Variants in NRBP2 observed in about 807,000 individuals in gnomAD.
NRBP2 encodes the protein nuclear receptor binding protein 2.
NRBP2 carries 47 observed loss-of-function variants against 74.4 expected under a neutral mutation model. The ratio of observed to expected loss-of-function variants is 0.63; its 90% CI spans 0.50 to 0.81. The LOEUF is 0.81. Ranked by LOEUF, NRBP2 falls within the 30% of genes least tolerant of loss-of-function variation. The probability of loss-of-function intolerance (pLI) is 0.00; values close to 1 mark genes in which losing one functional copy is unlikely to be tolerated. For missense variants in NRBP2, 613 were observed against 690.1 expected, an observed-to-expected ratio of 0.89 and a Z score of 1.25; for synonymous variants, 312 against 273.8, an observed-to-expected ratio of 1.14 and a Z score of -1.38.
downstream of NRBP2, among the ~76,000 whole-genome samples, chr8:143,830,273 G>C (rs1818096939): frequency 6.6e-6 from 1 of 152,292 alleles, no homozygotes; most frequent in African/African-American, 2.4e-5. Flanking sequence ...GACAGCGAGA[G>C]CTACTCCAGC....
chr8:143,837,214 A>G lies in NRBP2; in HGVS notation c.1127+35T>C. On this transcript the variant is annotated intron_variant, in intron 13 of 17. Coordinates refer to ENST00000442628, the MANE Select transcript of NRBP2 (RefSeq NM_178564.4). This position sits in a 1 kb window ranked among gnomAD's most constrained non-coding sequence, Gnocchi z 4.3. ...GGGTGGCTGGGGGTTCAGGCCTGAC[A>G]GCTGCCTGGCCCCCAACCTTACATC... 6.2e-7 allele frequency: 1 copy of G among 1,613,928 alleles called. No individual in the cohort carries two copies. The highest frequency in any genetic ancestry group is 8.5e-7 in the Non-Finnish European group (1 of 1,179,980).
Position 143,837,244 on chromosome 8 carries a change from C to T in NRBP2, c.1127+5G>A. 1.2e-6 allele frequency: 2 copies of T among 1,613,860 alleles called. No homozygotes were observed. Among genetic ancestry groups the T allele is most frequent in the Non-Finnish European group, 1.7e-6 (2 of 1,179,976 alleles). ...CCTGGCCCCCAACCTTACATCAGTT[C>T]TCACCTGACATCCTCCAGGAATTTG... On this transcript the variant is annotated splice_donor_5th_base_variant and intron_variant, in intron 13 of 17. Transcript: ENST00000442628. The surrounding 1 kb of genome is among the most constrained non-coding windows in gnomAD (Gnocchi z 4.3).
At chr8:143,830,810 C>T (rs889916972), downstream of NRBP2, among the ~76,000 whole-genome samples, 2 of 152,222 alleles carry the variant, frequency 1.3e-5, no homozygotes, top group Non-Finnish European at 2.9e-5. Flanking sequence ...ACTAAAATGC[C>T]ATTCTCAGTC....
chr8:143,836,486 G>A (rs1818395930), intron 14 of NRBP2, among the ~76,000 whole-genome samples: 1 of 151,944 alleles, frequency 6.6e-6, no homozygotes, highest in Non-Finnish European at 1.5e-5. Context: ...GGTGCCTGCG[G>A]GATCAGGCCT....
Position 143,839,877 on chromosome 8 carries a change from C to T in NRBP2, c.354+52G>A, listed in dbSNP as rs529336017. The T allele has an allele frequency of 6.5e-7, 1 of 1,534,990 alleles. No homozygotes were observed. Among genetic ancestry groups the T allele is most frequent in the South Asian group, 1.2e-5 (1 of 84,024 alleles). On this transcript the variant is annotated intron_variant, in intron 3 of 17. Coordinates refer to ENST00000442628, the MANE Select transcript of NRBP2 (RefSeq NM_178564.4). The surrounding 1 kb of genome is among the most constrained non-coding windows in gnomAD (Gnocchi z 5.1). ...ACCAGCTGCGGGTTCGTCCCCATGC[C>T]CGCCCCACCTAGCTGTGGTCTCTGC...
At position 143,837,311 on chromosome 8, in the gene NRBP2, G is replaced by T. The variant is rs782725416; in HGVS notation, c.1077-12C>A. 274 of 1,612,268 alleles carry T rather than the reference G, an allele frequency of 1.7e-4. No individual in the cohort carries two copies. Among genetic ancestry groups the T allele is most frequent in the Non-Finnish European group, 2.3e-4 (267 of 1,179,622 alleles). Reference sequence around the variant, plus strand: ...AGACTTCCGAGTACCTGGCATGGAAGTGGGAGGCACATGAGGGGCTGGCCG... The same window carrying T: ...AGACTTCCGAGTACCTGGCATGGAATTGGGAGGCACATGAGGGGCTGGCCG... On this transcript the variant is annotated splice_polypyrimidine_tract_variant and intron_variant, in intron 12 of 17. Coordinates refer to ENST00000442628, the MANE Select transcript of NRBP2 (RefSeq NM_178564.4). This position sits in a 1 kb window ranked among gnomAD's most constrained non-coding sequence, Gnocchi z 4.3.
Position 143,837,508 on chromosome 8 carries a change from G to A in NRBP2, c.975C>T (p.Tyr325=), listed in dbSNP as rs1554652229. 1.9e-6 allele frequency: 3 copies of A among 1,608,828 alleles called. No individual in the cohort carries two copies. The highest frequency in any genetic ancestry group is 1.7e-6 in the Non-Finnish European group (2 of 1,178,128). ...CCTCCACCACATTCTCAGGCATGAG[G>A]TCTGCGGCCACAAGAGCATCAAGGC... ...LAAHCFIQHQ[Y]LMPENVVEEK... Residue 325 remains tyrosine (Y), a splice_region_variant and synonymous_variant, in exon 12 of 18, where the codon TAC becomes TAT. Transcript: ENST00000442628. This position sits in a 1 kb window ranked among gnomAD's most constrained non-coding sequence, Gnocchi z 4.3.
chr8:143,837,861 C>T lies in NRBP2; in HGVS notation c.841-106G>A. ...AGTTCCCCATGTCCCTCCTCAGGGA[C>T]ACACAGGACATGCAGGGATGCCCAT... On this transcript the variant is annotated intron_variant, in intron 10 of 17. Coordinates refer to ENST00000442628, the MANE Select transcript of NRBP2 (RefSeq NM_178564.4). The surrounding 1 kb of genome is among the most constrained non-coding windows in gnomAD (Gnocchi z 4.3). 7.2e-7 allele frequency: 1 copy of T among 1,385,440 alleles called. No homozygotes were observed. The highest frequency in any genetic ancestry group is 9.9e-7 in the Non-Finnish European group (1 of 1,005,168). 85.8% of individuals were successfully genotyped at this position (1,385,440 alleles called of 1,614,324 possible).
chr8:143,840,902 C>A lies in NRBP2; in HGVS notation c.-68G>T. On this transcript the variant is annotated 5_prime_UTR_variant, in exon 1 of 18. The change creates a new upstream start codon in the 5' untranslated region. Coordinates refer to ENST00000442628, the MANE Select transcript of NRBP2 (RefSeq NM_178564.4). The surrounding 1 kb of genome is among the most constrained non-coding windows in gnomAD (Gnocchi z 5.7). ...CCGGCGCAGCCTCTCCCGGCCCGCC[C>A]TGGCCTCGCGCCCAGCAGCCCAGCC... 8.1e-7 allele frequency: 1 copy of A among 1,230,590 alleles called. No individual in the cohort carries two copies. Among genetic ancestry groups the A allele is most frequent in the South Asian group, 3.4e-5 (1 of 29,528 alleles). The allele number at this position is 1,230,590 out of a possible 1,614,324, so 76.2% of individuals were successfully genotyped here. A position where few individuals can be genotyped will look rare whatever the true frequency, so the allele number is the denominator to read the frequency against.
chr8:143,840,110 G>T lies in NRBP2; in HGVS notation c.249C>A (p.His83Gln). ...GAGGAGGGGGCAGCGGTCTCACCTC[G>T]TGCGCCGCGAAGGCCTTCCTGTCTC... ...HFGDRKAFAAHEEKIQTVFEQ... is the reference protein window; with the variant it reads ...HFGDRKAFAAQEEKIQTVFEQ... Residue 83 changes from histidine to glutamine, a missense_variant, in exon 2 of 18, where the codon CAC becomes CAA. By Grantham distance (24) the His-to-Gln change is conservative. Transcript: ENST00000442628. This position sits in a 1 kb window ranked among gnomAD's most constrained non-coding sequence, Gnocchi z 5.7. 6.5e-7 allele frequency: 1 copy of T among 1,536,116 alleles called. No homozygotes were observed. Among genetic ancestry groups the T allele is most frequent in the Non-Finnish European group, 8.7e-7 (1 of 1,146,884 alleles).
Position 143,837,187 on chromosome 8 carries a change from C to T in NRBP2, c.1128-13G>A. The T allele has an allele frequency of 1.2e-6, 2 of 1,613,820 alleles. No individual in the cohort carries two copies. On this transcript the variant is annotated splice_polypyrimidine_tract_variant and intron_variant, in intron 13 of 17. Coordinates refer to ENST00000442628, the MANE Select transcript of NRBP2 (RefSeq NM_178564.4). This position sits in a 1 kb window ranked among gnomAD's most constrained non-coding sequence, Gnocchi z 4.3. ...GTAGATTCCATTCCTGGGGACACAA[C>T]AGGGTGGCTGGGGGTTCAGGCCTGA...
Position 143,837,928 on chromosome 8 carries a change from C to T in NRBP2, c.841-173G>A. The T allele has an allele frequency of 1.3e-6, 1 of 793,504 alleles. No homozygotes were observed. Among genetic ancestry groups the T allele is most frequent in the South Asian group, 1.5e-5 (1 of 68,622 alleles). The allele number at this position is 793,504 out of a possible 1,614,324, so 49.2% of individuals were successfully genotyped here. ...AGCAGCAGCCAGGCCAGGACCTGGT[C>T]CTCTGAGCTTGAGGACAGCTGGGTT... On this transcript the variant is annotated intron_variant, in intron 10 of 17. Transcript: ENST00000442628. This position sits in a 1 kb window ranked among gnomAD's most constrained non-coding sequence, Gnocchi z 4.3.
chr8:143,840,890 T>C lies in NRBP2; in HGVS notation c.-56A>G. On this transcript the variant is annotated 5_prime_UTR_variant, in exon 1 of 18. Transcript: ENST00000442628. The surrounding 1 kb of genome is among the most constrained non-coding windows in gnomAD (Gnocchi z 5.7). ...CGCGATCCGCCGCCGGCGCAGCCTC[T>C]CCCGGCCCGCCCTGGCCTCGCGCCC... The C allele has an allele frequency of 8.0e-7, 1 of 1,256,904 alleles. No homozygotes were observed. The highest frequency in any genetic ancestry group is 9.9e-7 in the Non-Finnish European group (1 of 1,007,210). The allele number at this position is 1,256,904 out of a possible 1,614,324, so 77.9% of individuals were successfully genotyped here.
rs375214093 is a variant in NRBP2 at position 143,838,741 on chromosome 8, G to C, written c.779C>G (p.Thr260Ser). The change falls in exon 10 of 18, where the codon ACC becomes AGC. Residue 260 changes from threonine (T) to serine (S), a missense_variant. Physicochemically the swap from Thr to Ser is moderately conservative, Grantham distance 58. Transcript: ENST00000442628. Reference protein sequence around the residue: ...AVLEIQTNGDTRVTEEAIARA... With the variant: ...AVLEIQTNGDSRVTEEAIARA... ...AGCAATGGCCTCCTCTGTGACCCGGGTGTCCCCATTGGTCTGGATTTCCAG... is the reference window on the plus strand; with the variant it reads ...AGCAATGGCCTCCTCTGTGACCCGGCTGTCCCCATTGGTCTGGATTTCCAG... 6.2e-7 allele frequency: 1 copy of C among 1,613,440 alleles called. No individual in the cohort carries two copies. Among genetic ancestry groups the C allele is most frequent in the South Asian group, 1.1e-5 (1 of 90,810 alleles).
At position 143,837,886 on chromosome 8, in the gene NRBP2, T is replaced by C. The variant is rs1262407354; in HGVS notation, c.841-131A>G. ...CACACAGGACATGCAGGGATGCCCA[T>C]AGGGAGGAGTCCCAGCAGCAGCAGC... On this transcript the variant is annotated intron_variant, in intron 10 of 17. Transcript: ENST00000442628. The surrounding 1 kb of genome is among the most constrained non-coding windows in gnomAD (Gnocchi z 4.3). 9.6e-6 allele frequency: 11 copies of C among 1,140,510 alleles called. No individual in the cohort carries two copies. The highest frequency in any genetic ancestry group is 7.9e-5 in the Admixed American group (4 of 50,498). 70.6% of individuals were successfully genotyped at this position (1,140,510 alleles called of 1,614,324 possible). A position where few individuals can be genotyped will look rare whatever the true frequency, so the allele number is the denominator to read the frequency against.
At chr8:143,836,105 CG>C in intron 15 of NRBP2, 21 bp downstream of exon 15, 1 of 1,599,090 alleles carries the variant, frequency 6.3e-7, no homozygotes, top group Non-Finnish European at 8.5e-7. Context: ...ACGGCAGCGC[CG>C]CCCTCCCAGG....
Position 143,839,236 on chromosome 8 carries a change from G to A in NRBP2, c.581-41C>T. ...AGAAAGAGTGGAGTTAGCTGCTGGG[G>A]CATCAGAACTCCTCTGCCCTTGGCT... On this transcript the variant is annotated intron_variant, in intron 6 of 17. Transcript: ENST00000442628. This position sits in a 1 kb window ranked among gnomAD's most constrained non-coding sequence, Gnocchi z 5.1. The A allele has an allele frequency of 6.5e-7, 1 of 1,532,314 alleles. No individual in the cohort carries two copies. The highest frequency in any genetic ancestry group is 8.7e-7 in the Non-Finnish European group (1 of 1,143,812). The allele number at this position is 1,532,314 out of a possible 1,614,324, so 94.9% of individuals were successfully genotyped here.
Position 143,838,921 on chromosome 8 carries a change from C to G in NRBP2, c.706G>C (p.Ala236Pro). 1.2e-6 allele frequency: 2 copies of G among 1,609,464 alleles called. No homozygotes were observed. Among genetic ancestry groups the G allele is most frequent in the Non-Finnish European group, 1.7e-6 (2 of 1,177,960 alleles). The stretch of plus-strand genomic sequence containing the variant: ...ATCCCAAAGGAGAAGATGTCCACAG[C>G]GGTCCCATCGGCCACCTCTGAACAG... ...PEYGEVADGT[A>P]VDIFSFGMCA... Residue 236 changes from alanine to proline, a missense_variant, in exon 9 of 18, where the codon GCT becomes CCT. Ala to Pro is a conservative substitution (Grantham distance 27). Coordinates refer to ENST00000442628, the MANE Select transcript of NRBP2 (RefSeq NM_178564.4).
chr8:143,833,192 G>A (rs1554650585), downstream of NRBP2: 1 of 152,186 alleles, frequency 6.6e-6, no homozygotes, highest in Non-Finnish European at 1.5e-5. Flanking sequence ...TATGTGATGA[G>A]TCCTAAGCTG....
Sources: gnomAD v4.1 joint callset for allele counts (sites outside exome capture counted in the v4.1 genomes callset) on GRCh38, gnomAD v4.1.1 for gene constraint, Gnocchi (gnomAD v3.1) non-coding constraint, MANE v1.5 for transcripts, NCBI Gene and HGNC (gene_info 2026-07-23, HGNC 2026-07-21) for gene names.